The following DLC1 variants were observed in gnomAD, a reference collection of about 807,000 sequenced individuals.
DLC1 encodes the protein rho GTPase-activating protein 7.
A neutral mutation model predicts 140.3 loss-of-function variants in DLC1; 54 were observed. The ratio of observed to expected loss-of-function variants is 0.38; its 90% CI spans 0.31 to 0.48. The LOEUF is 0.48. Among genes scored for constraint, DLC1 ranks in the 20% least tolerant of loss-of-function variants. DLC1 has a pLI of 0.96. For missense variants in DLC1, 2,536 were observed against 1,907.0 expected, an observed-to-expected ratio of 1.33 and a Z score of -6.14; for synonymous variants, 986 against 728.1, an observed-to-expected ratio of 1.35 and a Z score of -5.70.
chr8:13,547,943 G>T (rs573893060), intron 1 of DLC1, among the ~76,000 whole-genome samples: 4 of 151,970 alleles, frequency 2.6e-5, no homozygotes, highest in East Asian at 3.9e-4. Flanking sequence ...TCAAAATTCT[G>T]TTCAAGTTTA....
chr8:13,328,399 G>C (rs558774489), intron 4 of DLC1, among the ~76,000 whole-genome samples: 1 of 152,114 alleles, frequency 6.6e-6, no homozygotes, highest in African/African-American at 2.4e-5. Flanking sequence ...GGTTGATTGC[G>C]GGAGTGTAGA....
chr8:13,438,643 C>T (rs771143476), intron 2 of DLC1, among the ~76,000 whole-genome samples: 1 of 152,182 alleles, frequency 6.6e-6, no homozygotes, highest in African/African-American at 2.4e-5. Context: ...GTTTTCCAAA[C>T]TTCCCACATT....
At chr8:13,383,815 A>G (rs1039856809) in intron 4 of DLC1, among the ~76,000 whole-genome samples, 1 of 152,192 alleles carries the variant, frequency 6.6e-6, no homozygotes, top group African/African-American at 2.4e-5. Flanking sequence ...TTTCAGCCAC[A>G]CGAATAAGCC....
intron 1 of DLC1, among the ~76,000 whole-genome samples, chr8:13,582,185 C>T (rs564377236): frequency 2.0e-4 from 31 of 152,184 alleles, no homozygotes; most frequent in South Asian, 6.2e-4. Flanking sequence ...TGGTAATGCA[C>T]ATCCCTGCAG....
intron 5 of DLC1, among the ~76,000 whole-genome samples, chr8:13,154,713 G>C (rs936157742): frequency 6.6e-6 from 1 of 152,194 alleles, no homozygotes; most frequent in Admixed American, 6.5e-5. Context: ...CTGAGGAGGC[G>C]CCGAGAGCGA....
chr8:13,343,466 A>G (rs992381397), intron 4 of DLC1, among the ~76,000 whole-genome samples: 1 of 152,218 alleles, frequency 6.6e-6, no homozygotes, highest in Non-Finnish European at 1.5e-5. Flanking sequence ...TGCTGAAATA[A>G]AAGTTACAAG....
Position 13,367,796 on chromosome 8 carries a change from A to C in DLC1, c.1314+25757T>G, listed in dbSNP as rs1835556569. Reference sequence around the variant, plus strand: ...CAGGTTTGGCCAGTCTGCCAGCACCAGGGCAAGGAAGTGAGACAGGAGAGG... The same window carrying C: ...CAGGTTTGGCCAGTCTGCCAGCACCCGGGCAAGGAAGTGAGACAGGAGAGG... On this transcript the variant is annotated intron_variant, in intron 4 of 17. Transcript: ENST00000276297. 2.0e-5 allele frequency among the ~76,000 whole-genome samples: 3 copies of C among 152,188 alleles called. No individual in the cohort carries two copies. In the South Asian group the frequency reaches 6.2e-4, roughly 32 times the overall value.
chr8:13,295,676 G>C (rs1239405755), intron 5 of DLC1, among the ~76,000 whole-genome samples: 1 of 152,168 alleles, frequency 6.6e-6, no homozygotes, highest in African/African-American at 2.4e-5. Context: ...AGCCAATGGA[G>C]GGTCAATACG....
intron 5 of DLC1, chr8:13,214,597 G>T: frequency 1.4e-6 from 1 of 722,856 alleles, no homozygotes; most frequent in Non-Finnish European, 2.5e-6. Flanking sequence ...GGAAATTGGA[G>T]TGCAGTGTTC....
In DLC1 at chr8:13,443,871, T is replaced by G. The variant is rs546829726; in HGVS notation, c.1024-42252A>C. Among the ~76,000 whole-genome samples the G allele has an allele frequency of 2.6e-5, 4 of 152,234 alleles. No individual in the cohort carries two copies. The South Asian group carries it at 8.3e-4, about 32-fold the overall frequency. ...GGCGGCTGTGTTCCTAAAACAAACG[T>G]CACATGTTTGGCGTTTCTCCCTATC... On this transcript the variant is annotated intron_variant, in intron 2 of 17. Transcript: ENST00000276297.
chr8:13,333,525 C>T (rs1418705742), intron 4 of DLC1, among the ~76,000 whole-genome samples: 1 of 152,130 alleles, frequency 6.6e-6, no homozygotes, highest in African/African-American at 2.4e-5. Flanking sequence ...TGGGGATCAA[C>T]AGGTGTAAAC....
intron 5 of DLC1, among the ~76,000 whole-genome samples, chr8:13,148,458 G>C (rs1160197299): frequency 1.3e-5 from 2 of 152,188 alleles, no homozygotes; most frequent in Non-Finnish European, 2.9e-5. Context: ...CAAAAGACAG[G>C]GTTCTGTTCG....
At chr8:13,507,417 A>G (rs929153459) in intron 1 of DLC1, among the ~76,000 whole-genome samples, 8 of 152,212 alleles carry the variant, frequency 5.3e-5, no homozygotes. Context: ...AACTTTCAGT[A>G]AAAAACAATT....
intron 5 of DLC1, among the ~76,000 whole-genome samples, chr8:13,300,652 C>T (rs922580224): frequency 6.6e-6 from 1 of 152,062 alleles, no homozygotes; most frequent in African/African-American, 2.4e-5. Flanking sequence ...ATCTGAGGGG[C>T]AACACAGACA....
chr8:13,433,644 A>T (rs1029538773), intron 2 of DLC1, among the ~76,000 whole-genome samples: 1 of 152,218 alleles, frequency 6.6e-6, no homozygotes, highest in African/African-American at 2.4e-5. Flanking sequence ...TTATGCAATT[A>T]TAGGTAGGCT....
intron 2 of DLC1, among the ~76,000 whole-genome samples, chr8:13,404,259 A>G (rs926945623): frequency 3.3e-5 from 5 of 152,124 alleles, no homozygotes; most frequent in African/African-American, 9.7e-5. Flanking sequence ...AAATAGAATG[A>G]AAGTCCTTAT....
chr8:13,091,984 C>T (rs762356754), intron 13 of DLC1, among the ~76,000 whole-genome samples: 2 of 152,202 alleles, frequency 1.3e-5, no homozygotes, highest in South Asian at 2.1e-4. Context: ...CAGTGGCTCA[C>T]GCCTGTAATC....
chr8:13,249,118 C>A (rs968362793), intron 5 of DLC1, among the ~76,000 whole-genome samples: 4 of 152,158 alleles, frequency 2.6e-5, no homozygotes, highest in African/African-American at 9.7e-5. Context: ...CTCTTGTTGC[C>A]CAGGCTGGAG....
In DLC1 at chr8:13,242,844, A is replaced by AT. The variant is rs202207459; in HGVS notation, c.1348+62424dup. ...AAATATTACTTTAACATTTTTAGCAATTTTTTTTTTACCAGTTTAGTGAGC... is the reference window on the plus strand; with the variant it reads ...AAATATTACTTTAACATTTTTAGCAATTTTTTTTTTTACCAGTTTAGTGAGC... On this transcript the variant is annotated intron_variant, in intron 5 of 17. Coordinates refer to ENST00000276297, the MANE Select transcript of DLC1 (RefSeq NM_182643.3). Among the ~76,000 whole-genome samples, 1,225 of 150,180 alleles carry AT rather than the reference A, an allele frequency of 8.2e-3. 50 individuals are homozygous for AT. The highest frequency in any genetic ancestry group is 0.065 in the Admixed American group (974 of 15,046).
Sources: allele counts gnomAD v4.1 joint callset (sites outside exome capture counted in the v4.1 genomes callset), GRCh38; gene constraint gnomAD v4.1.1; transcripts MANE v1.5; gene names NCBI Gene and HGNC (gene_info 2026-07-23, HGNC 2026-07-21).